Variants in MAST4 observed in about 807,000 individuals in gnomAD.
MAST4 encodes microtubule-associated serine/threonine-protein kinase 4.
Under a neutral mutation model 162.7 loss-of-function variants are expected in MAST4, and 89 were observed. That is an observed-to-expected ratio of 0.55 (90% CI 0.46 to 0.65). The LOEUF (loss-of-function observed/expected upper bound fraction) is 0.65. Ranked by LOEUF, MAST4 falls within the 30% of genes least tolerant of loss-of-function variation. The pLI, the probability that MAST4 is intolerant of heterozygous loss-of-function variation, is 0.00. For synonymous variants in MAST4, 1,479 were observed against 1,361.1 expected, an observed-to-expected ratio of 1.09 and a Z score of -1.91; for missense variants, 3,153 against 3,374.0, an observed-to-expected ratio of 0.93 and a Z score of 1.62.
rs532990643 is a variant in MAST4, at chr5:67,041,887, C to G, written c.675-12517C>G. ...CAAGTGATCTGCCTGCCTTGGCTCCCAAAGTGCTGGGATTACAGGCATGAG... is the reference window on the plus strand; with the variant it reads ...CAAGTGATCTGCCTGCCTTGGCTCCGAAAGTGCTGGGATTACAGGCATGAG... On this transcript the variant is annotated intron_variant, in intron 4 of 28. Coordinates refer to ENST00000403625, the MANE Select transcript of MAST4 (RefSeq NM_001164664.2). Among the ~76,000 whole-genome samples the G allele has an allele frequency of 9.8e-5, 15 of 152,348 alleles. No homozygotes were observed. In the South Asian group the frequency reaches 2.9e-3, roughly 29 times the overall value.
At chr5:67,092,983 A>G (rs1056229130) in intron 6 of MAST4, among the ~76,000 whole-genome samples, 2 of 152,208 alleles carry the variant, frequency 1.3e-5, no homozygotes, top group Non-Finnish European at 2.9e-5. Context: ...CTATATTGGC[A>G]TAGTTCAACT....
intron 15 of MAST4, among the ~76,000 whole-genome samples, chr5:67,130,739 T>C (rs574636185): frequency 1.3e-4 from 20 of 152,320 alleles, no homozygotes; most frequent in African/African-American, 4.1e-4. Context: ...TTTTATTACA[T>C]ATCATAAAAG....
intron 4 of MAST4, among the ~76,000 whole-genome samples, chr5:67,034,939 A>G (rs528566951): frequency 1.3e-5 from 2 of 152,310 alleles, no homozygotes; most frequent in South Asian, 2.1e-4. Flanking sequence ...AACCAAAAAG[A>G]AAGTTCCCCT....
At chr5:67,028,751 T>C (rs1754966699) in intron 4 of MAST4, among the ~76,000 whole-genome samples, 2 of 152,146 alleles carry the variant, frequency 1.3e-5, no homozygotes, top group South Asian at 4.1e-4. Context: ...TTCATTGGAC[T>C]GGAGCTTCTA....
At chr5:66,742,395 A>C (rs1488229618) in intron 1 of MAST4, among the ~76,000 whole-genome samples, 2 of 152,032 alleles carry the variant, frequency 1.3e-5, no homozygotes, top group Non-Finnish European at 2.9e-5. Flanking sequence ...CAGAATTGCT[A>C]CTCTTATTGG....
chr5:66,919,944 CCT>C (rs1764401969), intron 4 of MAST4, among the ~76,000 whole-genome samples: 6 of 139,260 alleles, frequency 4.3e-5, no homozygotes, highest in African/African-American at 1.4e-4. Context: ...TTCCTTCCTT[CCT>C]TCCTTCCTTC....
At chr5:66,920,586 G>C (rs1580880184) in intron 4 of MAST4, among the ~76,000 whole-genome samples, 1 of 152,164 alleles carries the variant, frequency 6.6e-6, no homozygotes, top group East Asian at 1.9e-4. Flanking sequence ...CGCCTTCCAG[G>C]TTCAAGGGAT....
At chr5:66,708,084 A>G (rs1283864162) in intron 1 of MAST4, among the ~76,000 whole-genome samples, 1 of 152,138 alleles carries the variant, frequency 6.6e-6, no homozygotes, top group Non-Finnish European at 1.5e-5. Context: ...AAATAATTAA[A>G]TTACTTTTCT....
intron 9 of MAST4, among the ~76,000 whole-genome samples, chr5:67,103,740 G>T (rs538200981): frequency 1.3e-5 from 2 of 152,166 alleles, no homozygotes; most frequent in African/African-American, 2.4e-5. Context: ...AACCTAGCCC[G>T]AAAGATACAT....
chr5:66,859,784 T>C (rs573524978), intron 3 of MAST4, among the ~76,000 whole-genome samples: 1 of 152,084 alleles, frequency 6.6e-6, no homozygotes, highest in Admixed American at 6.5e-5. Context: ...ATCCTCAGAG[T>C]GTGTGATAGC....
chr5:67,145,452 G>T, intron 23 of MAST4, 73 bp downstream of exon 23: 2 of 1,337,954 alleles, frequency 1.5e-6, no homozygotes, highest in South Asian at 1.3e-5. Context: ...GTCCCAGGGC[G>T]GGCCTCGCCA....
Position 66,837,897 on chromosome 5 carries a change from T to A in MAST4, c.642+49103T>A, listed in dbSNP as rs1464284175. 4.8e-3 allele frequency among the ~76,000 whole-genome samples: 96 copies of A among 19,970 alleles called. 1 individual carries two copies. Among genetic ancestry groups the A allele is most frequent in the East Asian group, 0.024 (11 of 462 alleles). The allele number at this position is 19,970 out of a possible 152,430, so 13.1% of individuals were successfully genotyped here. ...ATATATATATATATATATATATATT[T>A]TTTTTTTTTTTTTTTTTTTTAATGT... On this transcript the variant is annotated intron_variant, in intron 3 of 28. Coordinates refer to ENST00000403625, the MANE Select transcript of MAST4 (RefSeq NM_001164664.2).
intron 3 of MAST4, among the ~76,000 whole-genome samples, chr5:66,886,124 C>T (rs926768916): frequency 6.6e-6 from 1 of 152,192 alleles, no homozygotes; most frequent in Non-Finnish European, 1.5e-5. Flanking sequence ...TTCTGAGCCA[C>T]TCTGCCAGGC....
At chr5:66,902,684 A>T in intron 4 of MAST4, 1 of 470,598 alleles carries the variant, frequency 2.1e-6, no homozygotes, top group Non-Finnish European at 4.4e-6. Flanking sequence ...GTAATAGACA[A>T]GAGAAGTGAG....
intron 4 of MAST4, among the ~76,000 whole-genome samples, chr5:66,945,489 G>A (rs1228426166): frequency 2.6e-5 from 4 of 152,046 alleles, no homozygotes; most frequent in Non-Finnish European, 4.4e-5. Flanking sequence ...ACGTCTTGGG[G>A]CCTAATCCCT....
chr5:66,657,509 C>T (rs1054836601), intron 1 of MAST4, among the ~76,000 whole-genome samples: 2 of 152,182 alleles, frequency 1.3e-5, no homozygotes, highest in Non-Finnish European at 2.9e-5. Flanking sequence ...TCCACCTCCT[C>T]CATTCAGTAG....
intron 12 of MAST4, 96 bp downstream of exon 12, chr5:67,114,315 T>A: frequency 2.1e-6 from 3 of 1,439,876 alleles, no homozygotes; most frequent in Non-Finnish European, 2.8e-6. Context: ...TCCTCATGTT[T>A]TGGCTCTATC....
At chr5:66,659,282 G>A (rs1471999346) in intron 1 of MAST4, among the ~76,000 whole-genome samples, 1 of 152,200 alleles carries the variant, frequency 6.6e-6, no homozygotes, top group Non-Finnish European at 1.5e-5. Flanking sequence ...CCAATCAGAC[G>A]ATGGGAAGTA....
intron 2 of MAST4, among the ~76,000 whole-genome samples, chr5:66,765,435 TA>T (rs1240420225): frequency 6.6e-6 from 1 of 152,190 alleles, no homozygotes; most frequent in Non-Finnish European, 1.5e-5. Flanking sequence ...TAAATATTAA[TA>T]TTCTATAAAT....
Sources: gnomAD v4.1 joint callset for allele counts (sites outside exome capture counted in the v4.1 genomes callset) on GRCh38, gnomAD v4.1.1 for gene constraint, MANE v1.5 for transcripts, NCBI Gene and HGNC (gene_info 2026-07-23, HGNC 2026-07-21) for gene names.